Variants in MCF2L2 observed in about 807,000 individuals in gnomAD.
MCF2L2 encodes MCF.2 cell line derived transforming sequence-like 2, also known as probable guanine nucleotide exchange factor MCF2L2.
MCF2L2 carries 102 observed loss-of-function variants against 150.2 expected under a neutral mutation model. The observed-to-expected ratio is 0.68, with a 90% CI of 0.58 to 0.80. The LOEUF is 0.80. MCF2L2 is among the 30% of genes least tolerant of loss of function. The probability of loss-of-function intolerance (pLI) is 0.00; values close to 1 mark genes in which losing one functional copy is unlikely to be tolerated. For synonymous variants in MCF2L2, 465 were observed against 491.3 expected (o/e 0.95, Z 0.71); for missense variants, 1,256 against 1,372.8 (o/e 0.91, Z 1.34).
chr3:183,225,341 G>A (rs1723305876), intron 18 of MCF2L2: 1 of 152,196 alleles, frequency 6.6e-6, no homozygotes. Context: ...GACTGGTTAA[G>A]GAGCTAGAAT....
chr3:183,260,618 G>A (rs1045423399), intron 15 of MCF2L2, among the ~76,000 whole-genome samples: 17 of 152,024 alleles, frequency 1.1e-4, no homozygotes, highest in Admixed American at 1.0e-3. Context: ...CGTTAATAAA[G>A]ACTTAGGGTC....
At chr3:183,285,270 T>A (rs1727722472) in intron 14 of MCF2L2, among the ~76,000 whole-genome samples, 2 of 152,240 alleles carry the variant, frequency 1.3e-5, no homozygotes, top group Admixed American at 1.3e-4. Flanking sequence ...CAGCCACCTG[T>A]GAAATTGCTA....
At chr3:183,325,841 G>A (rs1461241290) in intron 5 of MCF2L2, among the ~76,000 whole-genome samples, 6 of 152,070 alleles carry the variant, frequency 3.9e-5, no homozygotes, top group African/African-American at 2.4e-5. Context: ...AGTTGAAAGC[G>A]AAAAGTGAAA....
intron 1 of MCF2L2, among the ~76,000 whole-genome samples, chr3:183,422,248 T>G (rs982740098): frequency 6.6e-6 from 1 of 152,196 alleles, no homozygotes; most frequent in African/African-American, 2.4e-5. Flanking sequence ...AATTTCTTAC[T>G]CTCAAAATCT....
chr3:183,338,686 A>G (rs1043860796), intron 5 of MCF2L2, 114 bp downstream of exon 5: 25 of 1,091,076 alleles, frequency 2.3e-5, no homozygotes, highest in Non-Finnish European at 2.9e-5. Context: ...CAGCCCAGAG[A>G]ACCCTTTTCT....
At chr3:183,319,271 T>A (rs566638068) in intron 6 of MCF2L2, among the ~76,000 whole-genome samples, 37 of 152,366 alleles carry the variant, frequency 2.4e-4, no homozygotes, top group Middle Eastern at 3.4e-3. Flanking sequence ...TCAAGCTTTA[T>A]CATGAGGTTG....
chr3:183,322,178 TTCC>T (rs1176347463), intron 6 of MCF2L2, among the ~76,000 whole-genome samples: 1 of 152,258 alleles, frequency 6.6e-6, no homozygotes, highest in African/African-American at 2.4e-5. Flanking sequence ...TTTGATCTTT[TTCC>T]TCAATATTAC....
intron 21 of MCF2L2, among the ~76,000 whole-genome samples, chr3:183,217,429 G>A (rs1381848809): frequency 6.6e-6 from 1 of 151,330 alleles, no homozygotes; most frequent in Admixed American, 6.6e-5. Flanking sequence ...CCAAGATTGC[G>A]CCACTGCACT....
At chr3:183,294,870 T>A (rs1728400466) in intron 13 of MCF2L2, among the ~76,000 whole-genome samples, 1 of 152,024 alleles carries the variant, frequency 6.6e-6, no homozygotes. Context: ...CCTCGTGATC[T>A]GCCCGCCTCA....
At chr3:183,326,666 A>G (rs562854196) in intron 5 of MCF2L2, among the ~76,000 whole-genome samples, 1 of 152,200 alleles carries the variant, frequency 6.6e-6, no homozygotes, top group South Asian at 2.1e-4. Context: ...ATCTTACATA[A>G]TTACAGTACA....
At chr3:183,240,881 G>T (rs1723992311) in intron 15 of MCF2L2, among the ~76,000 whole-genome samples, 1 of 152,200 alleles carries the variant, frequency 6.6e-6, no homozygotes, top group African/African-American at 2.4e-5. Flanking sequence ...AGCTTCAGCT[G>T]AAATCAGTAC....
At chr3:183,242,146 T>A (rs1247569022) in intron 15 of MCF2L2, among the ~76,000 whole-genome samples, 1 of 152,054 alleles carries the variant, frequency 6.6e-6, no homozygotes, top group Non-Finnish European at 1.5e-5. Context: ...AAAGATATGG[T>A]TCGGAATTGG....
chr3:183,333,267 G>C (rs908486658), intron 5 of MCF2L2, among the ~76,000 whole-genome samples: 14 of 152,208 alleles, frequency 9.2e-5, no homozygotes, highest in Admixed American at 9.2e-4. Flanking sequence ...GGCTGGTCTT[G>C]AACTCCTGAC....
intron 26 of MCF2L2, among the ~76,000 whole-genome samples, chr3:183,193,729 T>C (rs1721988754): frequency 6.6e-6 from 1 of 152,196 alleles, no homozygotes; most frequent in Admixed American, 6.5e-5. Context: ...TCCTCTTTAC[T>C]GACCCAAAAT....
chr3:183,299,850 C>T, intron 11 of MCF2L2, 155 bp downstream of exon 11: 1 of 759,928 alleles, frequency 1.3e-6, no homozygotes, highest in Non-Finnish European at 2.1e-6. Context: ...TTCTACACCC[C>T]AGGATCTGCA....
At position 183,328,374 on chromosome 3, in the gene MCF2L2, G is replaced by A. The variant is rs1434967594; in HGVS notation, c.487-5023C>T. Among the ~76,000 whole-genome samples the A allele has an allele frequency of 2.6e-5, 4 of 152,288 alleles. No individual in the cohort carries two copies. In the East Asian group the frequency reaches 7.7e-4, roughly 29 times the overall value. On this transcript the variant is annotated intron_variant, in intron 5 of 29. Coordinates refer to ENST00000328913, the MANE Select transcript of MCF2L2 (RefSeq NM_015078.4). Reference sequence around the variant, plus strand: ...AGCTGGTAGGTCAGAAGTACAGGATGCCCAGACTTAAAATTAGCATCTGAA... The same window carrying A: ...AGCTGGTAGGTCAGAAGTACAGGATACCCAGACTTAAAATTAGCATCTGAA...
At chr3:183,316,028 G>A (rs1177029934) in intron 7 of MCF2L2, among the ~76,000 whole-genome samples, 1 of 152,154 alleles carries the variant, frequency 6.6e-6, no homozygotes, top group Non-Finnish European at 1.5e-5. Context: ...TCCTTGCCGC[G>A]CTGGGCGTCC....
intron 3 of MCF2L2, among the ~76,000 whole-genome samples, chr3:183,360,600 C>T (rs1255206966): frequency 6.6e-6 from 1 of 151,838 alleles, no homozygotes; most frequent in African/African-American, 2.4e-5. Flanking sequence ...GAGAATGTCT[C>T]CTCATCCTTA....
intron 12 of MCF2L2, chr3:183,296,098 ATC>A (rs1228378949): frequency 1.3e-5 from 2 of 152,380 alleles, no homozygotes; most frequent in African/African-American, 4.8e-5. Context: ...GCTGGATATA[ATC>A]TGTTTGTTCC....
Sources: allele counts gnomAD v4.1 joint callset (sites outside exome capture counted in the v4.1 genomes callset), GRCh38; gene constraint gnomAD v4.1.1; transcripts MANE v1.5; gene names NCBI Gene and HGNC (gene_info 2026-07-23, HGNC 2026-07-21).